Variants in ZBTB10 observed in about 807,000 individuals in gnomAD.
ZBTB10 encodes the protein zinc finger and BTB domain-containing protein 10.
A neutral mutation model predicts 76.4 loss-of-function variants in ZBTB10; 32 were observed. The ratio of observed to expected loss-of-function variants is 0.42; its 90% CI spans 0.32 to 0.56. ZBTB10 has a LOEUF of 0.56. ZBTB10 is among the 20% of genes least tolerant of loss of function. The pLI is 0.14. For missense variants in ZBTB10, 1,057 were observed against 1,098.5 expected, an observed-to-expected ratio of 0.96 and a Z score of 0.53; for synonymous variants, 523 against 432.9, an observed-to-expected ratio of 1.21 and a Z score of -2.58.
chr8:80,502,036 C>T (rs1461299049), intron 2 of ZBTB10, among the ~76,000 whole-genome samples: 1 of 152,078 alleles, frequency 6.6e-6, no homozygotes, highest in Non-Finnish European at 1.5e-5. Flanking sequence ...AACTAGTCAG[C>T]AGTAACCTCA....
chr8:80,514,854 A>G (rs1181171528), intron 3 of ZBTB10, among the ~76,000 whole-genome samples: 1 of 152,252 alleles, frequency 6.6e-6, no homozygotes, highest in Admixed American at 6.5e-5. Flanking sequence ...TTTCCTATGC[A>G]GTATTCTTGA....
Position 80,525,092 on chromosome 8 carries a change from C to G in ZBTB10, c.*5564C>G, listed in dbSNP as rs1220229691. The G allele has an allele frequency of 6.6e-6, 1 of 151,936 alleles. No homozygotes were observed. Among genetic ancestry groups the G allele is most frequent in the East Asian group, 1.9e-4 (1 of 5,184 alleles). 9.4% of individuals were successfully genotyped at this position (151,936 alleles called of 1,614,324 possible). On this transcript the variant is annotated 3_prime_UTR_variant, in exon 6 of 6. Transcript: ENST00000455036. ...TTTAGGAAATTAAGAATTTAGACAC[C>G]AAGTTTGGCTTAATAGAAAAAGTCA... is the stretch of plus-strand genomic sequence containing the variant.
intron 1 of ZBTB10, among the ~76,000 whole-genome samples, chr8:80,490,130 C>T (rs556541305): frequency 2.6e-5 from 4 of 152,188 alleles, no homozygotes; most frequent in Non-Finnish European, 5.9e-5. Context: ...GGCTTAAGGT[C>T]AGAGGACTTT....
rs1816466416 is a variant in ZBTB10, at chr8:80,522,363, T to C, written c.*2835T>C. On this transcript the variant is annotated 3_prime_UTR_variant, in exon 6 of 6. Coordinates refer to ENST00000455036, the MANE Select transcript of ZBTB10 (RefSeq NM_001105539.3). ...TTTATATTTTAAATGAAAAAGTATT[T>C]TAGAGCTTTTAATGAAGGGGAAGAG... 1 of 151,896 alleles carries C rather than the reference T, an allele frequency of 6.6e-6. No individual in the cohort carries two copies. Among genetic ancestry groups the C allele is most frequent in the Non-Finnish European group, 1.5e-5 (1 of 67,850 alleles). The allele number at this position is 151,896 out of a possible 1,614,324, so 9.4% of individuals were successfully genotyped here.
Position 80,500,205 on chromosome 8 carries a change from A to C in ZBTB10, c.1684A>C (p.Asn562His). 7 of 1,602,656 alleles carry C rather than the reference A, an allele frequency of 4.4e-6. No homozygotes were observed. The highest frequency in any genetic ancestry group is 6.0e-6 in the Non-Finnish European group (7 of 1,173,810). The change falls in exon 2 of 6, where the codon AAT becomes CAT. Residue 562 changes from asparagine to histidine, a missense_variant. Asn to His is a moderately conservative substitution (Grantham distance 68). Transcript: ENST00000455036. ...TCAAACAAAAGTGTTTATTTGGAAT[A>C]ATATGGGCTCCCAGGGAATTCAAGA... ...EGQTKVFIWN[N>H]MGSQGIQETG...
chr8:80,500,750 C>T (rs577741711), intron 2 of ZBTB10, among the ~76,000 whole-genome samples: 30 of 152,238 alleles, frequency 2.0e-4, no homozygotes, highest in African/African-American at 4.8e-4. Context: ...TAATCACTGT[C>T]GTTTCAGAGA....
chr8:80,517,889 T>TC (rs1417740532), intron 3 of ZBTB10, among the ~76,000 whole-genome samples: 3 of 145,140 alleles, frequency 2.1e-5, no homozygotes, highest in Non-Finnish European at 4.5e-5. Context: ...TTTTTTTTTT[T>TC]TTTTTTTGAG....
Position 80,519,497 on chromosome 8 carries a change from CAGG to C in ZBTB10, c.2588_2590del (p.Gly863del), listed in dbSNP as rs781618541. The C allele has an allele frequency of 1.1e-5, 17 of 1,611,276 alleles. No individual in the cohort carries two copies. In the South Asian group the frequency reaches 1.3e-4, roughly 13 times the overall value. Reference sequence around the variant, plus strand: ...AATGATCCCTCTCGATGGGATGAATCAGGAGAAGTTTGTATGTCTCTAGATGAT... The same window carrying C: ...AATGATCCCTCTCGATGGGATGAATCAGAAGTTTGTATGTCTCTAGATGAT... On this transcript the variant is annotated inframe_deletion, in exon 6 of 6. Transcript: ENST00000455036.
In ZBTB10 at chr8:80,500,090, C is replaced by A; in HGVS notation, c.1569C>A (p.Val523=). ...NVKIENDGCN[V]DEGQIENYQM... is the part of the protein sequence containing the mutation. The stretch of plus-strand genomic sequence containing the variant: ...AGATTGAAAATGATGGTTGTAATGT[C>A]GACGAGGGCCAAATAGAAAACTACC... The change falls in exon 2 of 6, where the codon GTC becomes GTA. Residue 523 remains valine (V), a synonymous_variant. Transcript: ENST00000455036. The A allele has an allele frequency of 1.2e-6, 2 of 1,613,832 alleles. No homozygotes were observed. Among genetic ancestry groups the A allele is most frequent in the Non-Finnish European group, 1.7e-6 (2 of 1,179,872 alleles).
At position 80,523,072 on chromosome 8, in the gene ZBTB10, A is replaced by G. The variant is rs1034791398; in HGVS notation, c.*3544A>G. ...GTGCCCACACTTGCCGTTGTGCTGT[A>G]TACATGATTTTACCTTAATCCTCTA... On this transcript the variant is annotated 3_prime_UTR_variant, in exon 6 of 6. Transcript: ENST00000455036. 2 of 151,834 alleles carry G rather than the reference A, an allele frequency of 1.3e-5. No individual in the cohort carries two copies. Among genetic ancestry groups the G allele is most frequent in the African/African-American group, 4.8e-5 (2 of 41,396 alleles). The allele number at this position is 151,834 out of a possible 1,614,324, so 9.4% of individuals were successfully genotyped here.
chr8:80,493,207 G>GCGCGCGCGCGCGCGCA (rs375071529), intron 1 of ZBTB10, among the ~76,000 whole-genome samples: 46 of 125,290 alleles, frequency 3.7e-4, no homozygotes, highest in East Asian at 7.2e-4. Flanking sequence ...GCGCGCGCGC[G>GCGCGCGCGCGCGCGCA]CACACACACA....
chr8:80,492,477 T>G (rs143079089), intron 1 of ZBTB10, among the ~76,000 whole-genome samples: 1 of 152,028 alleles, frequency 6.6e-6, no homozygotes, highest in African/African-American at 2.4e-5. Flanking sequence ...TCAGGGTACA[T>G]TGAAGAATTT....
Position 80,486,623 on chromosome 8 carries a change from A to G in ZBTB10, c.-188A>G, listed in dbSNP as rs1053870730. ...GGCCCGGCAGCGGCAGCGGCAGCGG[A>G]CGCGTGCAGCAGACCCGGGAGCGAG... is the stretch of plus-strand genomic sequence containing the variant. On this transcript the variant is annotated 5_prime_UTR_variant, in exon 1 of 6. Transcript: ENST00000455036. The G allele has an allele frequency of 6.1e-6, 6 of 984,236 alleles. No individual in the cohort carries two copies. The Admixed American group carries it at 2.5e-4, about 41-fold the overall frequency. The allele number at this position is 984,236 out of a possible 1,614,324, so 61.0% of individuals were successfully genotyped here. A position where few individuals can be genotyped will look rare whatever the true frequency, so the allele number is the denominator to read the frequency against.
rs956158598 is a variant in ZBTB10, at chr8:80,521,613, G to A, written c.*2085G>A. On this transcript the variant is annotated 3_prime_UTR_variant, in exon 6 of 6. Coordinates refer to ENST00000455036, the MANE Select transcript of ZBTB10 (RefSeq NM_001105539.3). Reference sequence around the variant, plus strand: ...CACTTATTGCATAGAAACTGGACTTGGCTTTACATTCTTAATGTACTTTTA... The same window carrying A: ...CACTTATTGCATAGAAACTGGACTTAGCTTTACATTCTTAATGTACTTTTA... 1 of 151,640 alleles carries A rather than the reference G, an allele frequency of 6.6e-6. No homozygotes were observed. The highest frequency in any genetic ancestry group is 1.5e-5 in the Non-Finnish European group (1 of 67,722). 9.4% of individuals were successfully genotyped at this position (151,640 alleles called of 1,614,324 possible).
chr8:80,485,902 G>T, upstream of ZBTB10: 1 of 1,534,102 alleles, frequency 6.5e-7, no homozygotes, highest in Non-Finnish European at 8.7e-7. Context: ...GGGCAGCGGG[G>T]AGGCGGCCAG....
intron 1 of ZBTB10, among the ~76,000 whole-genome samples, chr8:80,496,831 C>T (rs546264313): frequency 2.6e-5 from 4 of 152,274 alleles, no homozygotes; most frequent in African/African-American, 9.6e-5. Context: ...ATATATGCTG[C>T]CAGATATTTA....
intron 2 of ZBTB10, among the ~76,000 whole-genome samples, chr8:80,510,623 G>C (rs1255877646): frequency 6.7e-6 from 1 of 148,328 alleles, no homozygotes; most frequent in South Asian, 2.2e-4. Context: ...AAAAATAGCC[G>C]TCATTTTGTG....
At chr8:80,504,399 C>G (rs1815999870) in intron 2 of ZBTB10, among the ~76,000 whole-genome samples, 1 of 152,148 alleles carries the variant, frequency 6.6e-6, no homozygotes, top group South Asian at 2.1e-4. Flanking sequence ...AGATACAGTT[C>G]TAATAACGCT....
At chr8:80,501,832 T>G (rs1815932937) in intron 2 of ZBTB10, among the ~76,000 whole-genome samples, 2 of 152,242 alleles carry the variant, frequency 1.3e-5, no homozygotes, top group South Asian at 4.1e-4. Flanking sequence ...GTAGATAGAC[T>G]CCTTAGCTAG....
Sources: gnomAD v4.1 joint callset for allele counts (sites outside exome capture counted in the v4.1 genomes callset) on GRCh38, gnomAD v4.1.1 for gene constraint, MANE v1.5 for transcripts, NCBI Gene and HGNC (gene_info 2026-07-23, HGNC 2026-07-21) for gene names.